BMPR1B: variants seen among roughly 807,000 people sequenced by gnomAD.
BMPR1B encodes bone morphogenetic protein receptor type 1B, also known as bone morphogenetic protein receptor type-1B.
A neutral mutation model predicts 59.1 loss-of-function variants in BMPR1B; 12 were observed. The observed-to-expected ratio is 0.20, with a 90% confidence interval of 0.13 to 0.33. BMPR1B has a LOEUF of 0.33. Ranked by LOEUF, BMPR1B falls within the 10% of genes least tolerant of loss-of-function variation. The pLI is 1.00. For missense variants in BMPR1B, 550 were observed against 610.9 expected (o/e 0.90, Z 1.05); for synonymous variants, 237 against 207.3 (o/e 1.14, Z -1.23).
At chr4:94,967,376 A>G (rs1560571653) in intron 2 of BMPR1B, among the ~76,000 whole-genome samples, 1 of 152,000 alleles carries the variant, frequency 6.6e-6, no homozygotes, top group Admixed American at 6.6e-5. Context: ...ATGCCCACCA[A>G]CCACATTTAT....
At chr4:95,071,681 T>TATATATATATATA (rs1728310942) in intron 3 of BMPR1B, among the ~76,000 whole-genome samples, 1 of 143,044 alleles carries the variant, frequency 7.0e-6, no homozygotes, top group African/African-American at 2.6e-5. Context: ...TATATATATA[T>TATATATATATATA]GAACTCTATA....
intron 2 of BMPR1B, among the ~76,000 whole-genome samples, chr4:94,881,648 T>C (rs768346024): frequency 7.2e-5 from 11 of 152,034 alleles, no homozygotes; most frequent in Non-Finnish European, 1.6e-4. Flanking sequence ...GTATTTTTAG[T>C]AGAGACGGGG....
At chr4:94,941,087 C>T (rs972653570) in intron 2 of BMPR1B, among the ~76,000 whole-genome samples, 1 of 152,090 alleles carries the variant, frequency 6.6e-6, no homozygotes, top group Non-Finnish European at 1.5e-5. Context: ...GTGCCTTCTA[C>T]AATTTAGTTG....
At chr4:94,794,092 C>T (rs1007071476) in intron 1 of BMPR1B, among the ~76,000 whole-genome samples, 11 of 150,428 alleles carry the variant, frequency 7.3e-5, no homozygotes, top group African/African-American at 2.5e-4. Context: ...AAGTCCTTGC[C>T]CATGTCTATG....
At chr4:94,853,488 AT>A (rs1725639355) in intron 1 of BMPR1B, among the ~76,000 whole-genome samples, 1 of 152,182 alleles carries the variant, frequency 6.6e-6, no homozygotes, top group Admixed American at 6.5e-5. Context: ...TGAGGATAAT[AT>A]GTATGGAGGC....
chr4:95,059,630 T>TAAAA (rs10685663), intron 3 of BMPR1B, among the ~76,000 whole-genome samples: 3 of 151,402 alleles, frequency 2.0e-5, no homozygotes, highest in African/African-American at 7.3e-5. Context: ...CCTATTATGG[T>TAAAA]AAAAAAAACA....
At position 95,109,882 on chromosome 4, in the gene BMPR1B, C is replaced by T. The variant is rs574387790; in HGVS notation, c.144-4838C>T. ...CCCCTCCCCCCACCCCACAACAGTCCCCGGTGTGTGATGTTCCCCTTCCTG... is the reference window on the plus strand; with the variant it reads ...CCCCTCCCCCCACCCCACAACAGTCTCCGGTGTGTGATGTTCCCCTTCCTG... On this transcript the variant is annotated intron_variant, in intron 4 of 12. Coordinates refer to ENST00000515059, the MANE Select transcript of BMPR1B (RefSeq NM_001203.3). Among the ~76,000 whole-genome samples the T allele has an allele frequency of 1.2e-3, 153 of 129,084 alleles. 1 individual carries two copies. The highest frequency in any genetic ancestry group is 1.8e-3 in the Admixed American group (22 of 12,136). 84.7% of individuals were successfully genotyped at this position (129,084 alleles called of 152,430 possible).
In BMPR1B at chr4:95,001,664, ATTTG is replaced by A. The variant is rs1449728179; in HGVS notation, c.-18+5533_-18+5536del. On this transcript the variant is annotated intron_variant, in intron 3 of 12. Transcript: ENST00000515059. ...TTTATAATTTTGTTTAAAGATGATT[ATTTG>A]TTCTAATTTACACCTAGAAAAACAT... 4.6e-5 allele frequency among the ~76,000 whole-genome samples: 7 copies of A among 152,334 alleles called. 1 individual carries two copies. The highest frequency in any genetic ancestry group is 2.0e-4 in the Admixed American group (3 of 15,296).
intron 1 of BMPR1B, among the ~76,000 whole-genome samples, chr4:94,766,922 A>C (rs1451339463): frequency 3.9e-5 from 6 of 152,190 alleles, no homozygotes; most frequent in Non-Finnish European, 7.3e-5. Context: ...ACAATATGAA[A>C]ATAAAATGGT....
chr4:94,878,105 C>T lies in BMPR1B; in HGVS notation c.-113+2205C>T, dbSNP rs139613526. ...TTTATTTCTAGGATATATTCCTGAC[C>T]GTGGAATAATTAGATCAAGGAATGA... is the stretch of plus-strand genomic sequence containing the variant. On this transcript the variant is annotated intron_variant, in intron 2 of 12. Transcript: ENST00000515059. Among the ~76,000 whole-genome samples the T allele has an allele frequency of 7.8e-3, 1,190 of 152,086 alleles. 18 individuals are homozygous for T. The highest frequency in any genetic ancestry group is 0.026 in the African/African-American group (1,078 of 41,466).
At chr4:95,061,080 G>C (rs973636566) in intron 3 of BMPR1B, among the ~76,000 whole-genome samples, 1 of 150,672 alleles carries the variant, frequency 6.6e-6, no homozygotes, top group African/African-American at 2.4e-5. Context: ...ACCCTATCTT[G>C]CTTTGAAAAT....
intron 3 of BMPR1B, among the ~76,000 whole-genome samples, chr4:94,999,986 C>T (rs1029012295): frequency 6.6e-6 from 1 of 152,032 alleles, no homozygotes; most frequent in African/African-American, 2.4e-5. Context: ...CTCTGATATT[C>T]AATAAAAATA....
intron 2 of BMPR1B, among the ~76,000 whole-genome samples, chr4:94,951,239 C>T (rs547607682): frequency 1.3e-5 from 2 of 152,222 alleles, no homozygotes; most frequent in African/African-American, 4.8e-5. Flanking sequence ...TTGCCTTCCT[C>T]TCTTCCTATT....
intron 10 of BMPR1B, among the ~76,000 whole-genome samples, chr4:95,132,077 C>T (rs1336230848): frequency 6.6e-6 from 1 of 152,110 alleles, no homozygotes; most frequent in Non-Finnish European, 1.5e-5. Flanking sequence ...AGCTTCTTCA[C>T]AGTAGGGAGG....
chr4:94,836,933 G>C (rs1450136621), intron 1 of BMPR1B, among the ~76,000 whole-genome samples: 1 of 148,054 alleles, frequency 6.8e-6, no homozygotes, highest in African/African-American at 2.5e-5. Context: ...ATTGATTTTT[G>C]TATAAGGTGT....
intron 1 of BMPR1B, among the ~76,000 whole-genome samples, chr4:94,860,189 T>A (rs1270004464): frequency 6.6e-6 from 1 of 152,176 alleles, no homozygotes; most frequent in Non-Finnish European, 1.5e-5. Context: ...ATACTGTTAT[T>A]TTATTTTATA....
At chr4:94,759,490 T>C (rs1409470092) in intron 1 of BMPR1B, among the ~76,000 whole-genome samples, 1 of 152,260 alleles carries the variant, frequency 6.6e-6, no homozygotes, top group African/African-American at 2.4e-5. Context: ...CCAACGAATC[T>C]CTGTTTTCTT....
chr4:94,968,604 A>G (rs1484378418), intron 2 of BMPR1B, among the ~76,000 whole-genome samples: 2 of 152,102 alleles, frequency 1.3e-5, no homozygotes, highest in African/African-American at 4.8e-5. Flanking sequence ...TTTAGTTTTG[A>G]CGTTGACCCT....
At chr4:94,785,901 A>G (rs1198312912) in intron 1 of BMPR1B, among the ~76,000 whole-genome samples, 2 of 152,130 alleles carry the variant, frequency 1.3e-5, no homozygotes, top group East Asian at 3.9e-4. Flanking sequence ...CCAGGAGAAA[A>G]TAGCCCTACT....
Sources: allele counts gnomAD v4.1 joint callset (sites outside exome capture counted in the v4.1 genomes callset), GRCh38; gene constraint gnomAD v4.1.1; transcripts MANE v1.5; gene names NCBI Gene and HGNC (gene_info 2026-07-23, HGNC 2026-07-21).